SYTL3: variants seen among roughly 807,000 people sequenced by gnomAD.
SYTL3 encodes synaptotagmin-like protein 3.
In SYTL3, 88 loss-of-function variants were observed where a neutral mutation model predicts 82.1. The ratio of observed to expected loss-of-function variants is 1.07; its 90% CI spans 0.90 to 1.28. The LOEUF (loss-of-function observed/expected upper bound fraction) is 1.28. Among genes scored for constraint, SYTL3 ranks in the 50% most tolerant of loss-of-function variants. The pLI is 0.00. For synonymous variants in SYTL3, 311 were observed against 289.4 expected (o/e 1.07, Z -0.76); for missense variants, 831 against 757.6 (o/e 1.10, Z -1.14).
intron 5 of SYTL3, among the ~76,000 whole-genome samples, chr6:158,672,578 A>T (rs1583183183): frequency 3.6e-5 from 5 of 139,762 alleles, no homozygotes; most frequent in Non-Finnish European, 3.1e-5. Context: ...TTTGGCAGAG[A>T]CTGCAGCCTT....
At chr6:158,655,268 GC>G (rs1365079810) in intron 2 of SYTL3, among the ~76,000 whole-genome samples, 1 of 152,186 alleles carries the variant, frequency 6.6e-6, no homozygotes, top group Non-Finnish European at 1.5e-5. Context: ...GGACTCACTT[GC>G]CCCCTGCCCG....
chr6:158,663,417 G>C, intron 4 of SYTL3, 39 bp downstream of exon 4: 1 of 1,604,786 alleles, frequency 6.2e-7, no homozygotes, highest in Non-Finnish European at 8.5e-7. Flanking sequence ...TGGGTGTTTA[G>C]CTTTCTCTGC....
At chr6:158,700,117 G>A (rs1490403874) in intron 6 of SYTL3, among the ~76,000 whole-genome samples, 4 of 151,922 alleles carry the variant, frequency 2.6e-5, no homozygotes, top group Non-Finnish European at 5.9e-5. Context: ...GTAGCCAGGC[G>A]TGGTGGTGCG....
chr6:158,763,446 G>GA lies in SYTL3; in HGVS notation c.1660_1661insA (p.Val554AspfsTer60). The stretch of plus-strand genomic sequence containing the variant: ...GAGGCAGTCAAGCTTGGAGTTAACT[G>GA]TCTGGGATCAGGCCCTCTTTGGAAT... On this transcript the variant is annotated frameshift_variant, in exon 17 of 18. Coordinates refer to ENST00000611299, the MANE Select transcript of SYTL3 (RefSeq NM_001242394.2). LOFTEE classifies it high-confidence loss of function. The GA allele has an allele frequency of 6.2e-6, 10 of 1,614,164 alleles. No individual in the cohort carries two copies. The highest frequency in any genetic ancestry group is 8.5e-6 in the Non-Finnish European group (10 of 1,180,016).
intron 10 of SYTL3, among the ~76,000 whole-genome samples, chr6:158,719,161 T>TCC (rs1562419181): frequency 6.6e-6 from 1 of 152,224 alleles, no homozygotes; most frequent in Non-Finnish European, 1.5e-5. Flanking sequence ...CATCTAAATA[T>TCC]TTTATCTAAA....
chr6:158,651,480 C>G (rs1788011055), intron 1 of SYTL3, among the ~76,000 whole-genome samples: 1 of 151,986 alleles, frequency 6.6e-6, no homozygotes, highest in African/African-American at 2.4e-5. Context: ...CCCAGCTACT[C>G]AGGAGGCTGA....
chr6:158,735,627 TAAAAACA>T (rs1273811715), intron 11 of SYTL3, among the ~76,000 whole-genome samples: 4 of 152,014 alleles, frequency 2.6e-5, no homozygotes, highest in East Asian at 1.9e-4. Flanking sequence ...AGGATCGGAG[TAAAAACA>T]AAAAACAAAA....
At chr6:158,667,371 A>G (rs1036353595) in intron 5 of SYTL3, among the ~76,000 whole-genome samples, 2 of 152,150 alleles carry the variant, frequency 1.3e-5, no homozygotes, top group African/African-American at 4.8e-5. Context: ...AGGTCATTGC[A>G]TTACTATGAG....
intron 11 of SYTL3, among the ~76,000 whole-genome samples, chr6:158,731,564 T>G (rs561783869): frequency 6.6e-6 from 1 of 152,218 alleles, no homozygotes; most frequent in South Asian, 2.1e-4. Context: ...TTTTCTTTTC[T>G]TCCCTTTACT....
At chr6:158,694,655 A>G (rs773544086) in intron 6 of SYTL3, among the ~76,000 whole-genome samples, 10 of 152,208 alleles carry the variant, frequency 6.6e-5, no homozygotes, top group Non-Finnish European at 1.5e-4. Flanking sequence ...CAACACAAAA[A>G]TTGAATTGAT....
upstream of SYTL3, among the ~76,000 whole-genome samples, chr6:158,648,793 T>C (rs1313954897): frequency 6.6e-6 from 1 of 152,124 alleles, no homozygotes; most frequent in Non-Finnish European, 1.5e-5. Flanking sequence ...ACGAGGGTGC[T>C]GTTGAAACAC....
chr6:158,754,344 G>T (rs1707116111), intron 13 of SYTL3, among the ~76,000 whole-genome samples: 1 of 152,180 alleles, frequency 6.6e-6, no homozygotes, highest in South Asian at 2.1e-4. Context: ...GCTCTCAAAT[G>T]ATCCTTACAC....
At position 158,663,333 on chromosome 6, in the gene SYTL3, TG is replaced by T; in HGVS notation, c.66del (p.Tyr23ThrfsTer17). 5 of 1,614,094 alleles carry T rather than the reference TG, an allele frequency of 3.1e-6. No individual in the cohort carries two copies. The South Asian group carries it at 5.5e-5, about 18-fold the overall frequency. ...GAACGCGAGGCCATTCTCCAGGTCC[TG>T]TACCGAGACCAGGCGGTTCAAAACA... ...ELEREAILQV[L>X]YRDQAVQNTE... is the part of the protein sequence containing the mutation. On this transcript the variant is annotated frameshift_variant, in exon 4 of 18. Transcript: ENST00000611299. LOFTEE classifies it high-confidence loss of function.
chr6:158,721,407 A>G (rs1052301518), intron 10 of SYTL3, among the ~76,000 whole-genome samples: 1 of 151,702 alleles, frequency 6.6e-6, no homozygotes, highest in African/African-American at 2.4e-5. Context: ...TATTTTTAGT[A>G]GAGATGTTGC....
intron 11 of SYTL3, among the ~76,000 whole-genome samples, chr6:158,737,364 A>C (rs1786320944): frequency 6.6e-6 from 1 of 152,190 alleles, no homozygotes; most frequent in South Asian, 2.1e-4. Context: ...AAATGTTCTC[A>C]GTGTGTTCTT....
At chr6:158,654,746 C>CTGGGTA (rs1350779383) in intron 2 of SYTL3, among the ~76,000 whole-genome samples, 47 of 152,178 alleles carry the variant, frequency 3.1e-4, no homozygotes, top group South Asian at 4.1e-4. Flanking sequence ...GAGCACGTGG[C>CTGGGTA]TGAGTCCTGG....
intron 12 of SYTL3, among the ~76,000 whole-genome samples, chr6:158,746,481 T>TATTATTATTATTATTATTA (rs1554263769): frequency 2.0e-5 from 3 of 148,902 alleles, no homozygotes; most frequent in South Asian, 2.1e-4. Context: ...TTATTATTAT[T>TATTATTATTATTATTATTA]TTGAGGTGGA....
chr6:158,712,759 CT>C (rs56677894), intron 8 of SYTL3, among the ~76,000 whole-genome samples: 51,903 of 127,100 alleles, frequency 0.41, 9,348 homozygotes, highest in Non-Finnish European at 0.45. Flanking sequence ...TTCTTTCTTT[CT>C]TTTTTTTTTT....
chr6:158,748,093 A>G (rs1583467089), intron 12 of SYTL3, among the ~76,000 whole-genome samples: 1 of 125,274 alleles, frequency 8.0e-6, no homozygotes, highest in Admixed American at 7.7e-5. Context: ...TTTTTTCCCC[A>G]CACTTAGATC....
Sources: allele counts gnomAD v4.1 joint callset (sites outside exome capture counted in the v4.1 genomes callset), GRCh38; gene constraint gnomAD v4.1.1; transcripts MANE v1.5; gene names NCBI Gene and HGNC (gene_info 2026-07-23, HGNC 2026-07-21).